CTNNA3: variants seen among roughly 807,000 people sequenced by gnomAD.
CTNNA3 encodes the protein catenin alpha-3.
A neutral mutation model predicts 95.7 loss-of-function variants in CTNNA3; 76 were observed. That is an observed-to-expected ratio of 0.79 (90% CI 0.66 to 0.96). The LOEUF is 0.96. Ranked by LOEUF, CTNNA3 falls within the 40% of genes least tolerant of loss-of-function variation. The probability of loss-of-function intolerance (pLI) is 0.00; values close to 1 mark genes in which losing one functional copy is unlikely to be tolerated. For missense variants in CTNNA3, 1,191 were observed against 1,089.8 expected (o/e 1.09, Z -1.31); for synonymous variants, 431 against 374.4 (o/e 1.15, Z -1.74).
At chr10:66,922,948 G>C (rs1846865638) in intron 7 of CTNNA3, among the ~76,000 whole-genome samples, 1 of 152,008 alleles carries the variant, frequency 6.6e-6, no homozygotes, top group Non-Finnish European at 1.5e-5. Context: ...TTTACGCTTT[G>C]TATAAAAAAC....
intron 15 of CTNNA3, among the ~76,000 whole-genome samples, chr10:66,000,436 C>T (rs1030549590): frequency 6.6e-6 from 1 of 152,042 alleles, no homozygotes; most frequent in Non-Finnish European, 1.5e-5. Context: ...GTCATTTTGT[C>T]TTTTTAAGGA....
intron 7 of CTNNA3, among the ~76,000 whole-genome samples, chr10:67,011,086 T>C (rs1377515743): frequency 6.6e-6 from 1 of 152,002 alleles, no homozygotes; most frequent in Non-Finnish European, 1.5e-5. Flanking sequence ...TCCCAGCACT[T>C]TGGGAGGCCA....
At chr10:66,284,064 T>G (rs1281815657) in intron 12 of CTNNA3, among the ~76,000 whole-genome samples, 3 of 151,930 alleles carry the variant, frequency 2.0e-5, no homozygotes, top group African/African-American at 7.2e-5. Context: ...TAAGCTGTTC[T>G]GAACTTTGGA....
intron 3 of CTNNA3, among the ~76,000 whole-genome samples, chr10:67,563,240 T>C (rs919483173): frequency 2.6e-5 from 4 of 152,060 alleles, no homozygotes; most frequent in African/African-American, 7.2e-5. Flanking sequence ...CTTCAAACTA[T>C]ACTACAAGGC....
intron 11 of CTNNA3, among the ~76,000 whole-genome samples, chr10:66,470,948 C>T (rs1259833521): frequency 6.6e-6 from 1 of 151,862 alleles, no homozygotes; most frequent in Non-Finnish European, 1.5e-5. Flanking sequence ...TTGCCATCAA[C>T]TTAACTTTTA....
chr10:67,639,064 C>A (rs762144499), intron 2 of CTNNA3, among the ~76,000 whole-genome samples: 1 of 152,062 alleles, frequency 6.6e-6, no homozygotes, highest in Non-Finnish European at 1.5e-5. Context: ...ATTAATGAAT[C>A]CAGGAGCTGG....
rs1840311170 is a variant in CTNNA3, at chr10:67,301,986, A to AGAAAGAAAGAAAGAAC, written c.580-82117_580-82116insGTTCTTTCTTTCTTTC. The stretch of plus-strand genomic sequence containing the variant: ...TCGTCAAGAAAGAAAAAAGAAAGAA[A>AGAAAGAAAGAAAGAAC]GAAAGAACGAAAGAACGAAAGAAAG... On this transcript the variant is annotated intron_variant, in intron 5 of 17. Transcript: ENST00000433211. Among the ~76,000 whole-genome samples, 7 of 86,962 alleles carry AGAAAGAAAGAAAGAAC rather than the reference A, an allele frequency of 8.0e-5. 2 individuals are homozygous for AGAAAGAAAGAAAGAAC. Among genetic ancestry groups the AGAAAGAAAGAAAGAAC allele is most frequent in the East Asian group, 7.5e-4 (2 of 2,662 alleles). The allele number at this position is 86,962 out of a possible 152,430, so 57.1% of individuals were successfully genotyped here.
At chr10:67,347,831 T>C (rs1842486563) in intron 5 of CTNNA3, among the ~76,000 whole-genome samples, 1 of 27,016 alleles carries the variant, frequency 3.7e-5, no homozygotes, top group Admixed American at 5.8e-4. Context: ...AGTGTTTTCC[T>C]GAAAAAAAAA....
At position 65,966,634 on chromosome 10, in the gene CTNNA3, C is replaced by T. The variant is rs188248522; in HGVS notation, c.2378G>A (p.Gly793Glu). The change falls in exon 17 of 18, where the codon GGA (glycine) becomes GAA (glutamate). Residue 793 changes from glycine to glutamate, a missense_variant. Physicochemically the swap from Gly to Glu is moderately conservative, Grantham distance 98. Coordinates refer to ENST00000433211, the MANE Select transcript of CTNNA3 (RefSeq NM_013266.4). Reference protein sequence around the residue: ...SQVKAEIQNLGGELIMSALDS... With the variant: ...SQVKAEIQNLEGELIMSALDS... ...CACAGCTGACATGATGAGCTCTCCT[C>T]CCAGGTTCTGGATCTCAGCTTTAAC... 1.8e-4 allele frequency: 294 copies of T among 1,613,794 alleles called. 3 individuals are homozygous for T. The East Asian group carries it at 3.5e-3, about 19-fold the overall frequency.
intron 13 of CTNNA3, among the ~76,000 whole-genome samples, chr10:66,130,061 T>C (rs2083015148): frequency 6.6e-6 from 1 of 152,088 alleles, no homozygotes; most frequent in African/African-American, 2.4e-5. Context: ...GTGCCAACAC[T>C]GCCATCAGTG....
chr10:66,325,122 C>A (rs2132299775), intron 12 of CTNNA3, among the ~76,000 whole-genome samples: 1 of 151,866 alleles, frequency 6.6e-6, no homozygotes, highest in East Asian at 1.9e-4. Flanking sequence ...GGACCAAAAG[C>A]AAACATTAAA....
chr10:67,598,033 G>A (rs1272716353), intron 3 of CTNNA3, among the ~76,000 whole-genome samples: 1 of 152,156 alleles, frequency 6.6e-6, no homozygotes, highest in South Asian at 2.1e-4. Context: ...CTTGGGAGAG[G>A]CTGGGCAGAC....
chr10:66,377,675 ATTC>A (rs1486339085), intron 12 of CTNNA3, among the ~76,000 whole-genome samples: 1 of 152,048 alleles, frequency 6.6e-6, no homozygotes, highest in Non-Finnish European at 1.5e-5. Flanking sequence ...CCCCTGTTAC[ATTC>A]TTCTTTTACT....
chr10:66,050,957 G>T (rs942354352), intron 15 of CTNNA3, among the ~76,000 whole-genome samples: 1 of 152,022 alleles, frequency 6.6e-6, no homozygotes, highest in Non-Finnish European at 1.5e-5. Flanking sequence ...GGGCTCAAGT[G>T]ATCCTCTCGC....
At chr10:65,921,560 A>C (rs2077086323) in intron 17 of CTNNA3, among the ~76,000 whole-genome samples, 1 of 152,256 alleles carries the variant, frequency 6.6e-6, no homozygotes, top group Non-Finnish European at 1.5e-5. Flanking sequence ...GTTACCAGAC[A>C]TACGCCTTAC....
At chr10:66,491,099 T>C (rs2131935059) in intron 11 of CTNNA3, among the ~76,000 whole-genome samples, 1 of 152,280 alleles carries the variant, frequency 6.6e-6, no homozygotes, top group African/African-American at 2.4e-5. Flanking sequence ...TGAAGAGCTG[T>C]TCCAGGACCT....
At chr10:66,317,697 G>GAAA (rs764136787) in intron 12 of CTNNA3, among the ~76,000 whole-genome samples, 65,782 of 150,954 alleles carry the variant, frequency 0.44, 14,874 homozygotes, top group Non-Finnish European at 0.5. Context: ...AATTTAAAAT[G>GAAA]AGAAAAGAAA....
chr10:66,928,548 C>T (rs967047461), intron 7 of CTNNA3: 72 of 1,105,622 alleles, frequency 6.5e-5, no homozygotes, highest in Admixed American at 5.0e-4. Context: ...CGATGCCCCC[C>T]CTCCCCTTCC....
Position 65,914,299 on chromosome 10 carries a change from A to G in CTNNA3, c.*6031T>C, listed in dbSNP as rs2076981217. 6.6e-6 allele frequency: 1 copy of G among 152,072 alleles called. No individual in the cohort carries two copies. Among genetic ancestry groups the G allele is most frequent in the African/African-American group, 2.4e-5 (1 of 41,428 alleles). 9.4% of individuals were successfully genotyped at this position (152,072 alleles called of 1,614,324 possible). ...ACATAAAAGTGAAGATCCCCAATAT[A>G]CACATCCATTGCTCAAACTAGGAAT... On this transcript the variant is annotated 3_prime_UTR_variant, in exon 18 of 18. Transcript: ENST00000433211.
Sources: allele counts gnomAD v4.1 joint callset (sites outside exome capture counted in the v4.1 genomes callset), GRCh38; gene constraint gnomAD v4.1.1; transcripts MANE v1.5; gene names NCBI Gene and HGNC (gene_info 2026-07-23, HGNC 2026-07-21).